The following CADPS2 variants were observed in gnomAD, a reference collection of about 807,000 sequenced individuals.
CADPS2 encodes the protein calcium-dependent secretion activator 2.
Under a neutral mutation model 172.5 loss-of-function variants are expected in CADPS2, and 93 were observed. The ratio of observed to expected loss-of-function variants is 0.54; its 90% CI spans 0.46 to 0.64. CADPS2 has a LOEUF of 0.64. CADPS2 is among the 30% of genes least tolerant of loss of function. CADPS2 has a pLI of 0.00. For synonymous variants in CADPS2, 546 were observed against 555.2 expected, an observed-to-expected ratio of 0.98 and a Z score of 0.23; for missense variants, 1,420 against 1,565.9, an observed-to-expected ratio of 0.91 and a Z score of 1.57.
At chr7:122,391,147 A>G (rs1243176940) in intron 22 of CADPS2, among the ~76,000 whole-genome samples, 2 of 152,074 alleles carry the variant, frequency 1.3e-5, no homozygotes, top group African/African-American at 4.8e-5. Flanking sequence ...AATGGCAATA[A>G]CATCATAACA....
At chr7:122,401,941 T>C (rs2046006583) in intron 20 of CADPS2, among the ~76,000 whole-genome samples, 1 of 152,174 alleles carries the variant, frequency 6.6e-6, no homozygotes, top group African/African-American at 2.4e-5. Context: ...CCAAGGGTTC[T>C]CCACATTTCA....
chr7:122,396,325 T>A (rs2045124671), intron 20 of CADPS2, among the ~76,000 whole-genome samples: 1 of 152,202 alleles, frequency 6.6e-6, no homozygotes, highest in African/African-American at 2.4e-5. Context: ...TACCGTGCTC[T>A]CTTCATCACC....
At chr7:122,597,606 C>T (rs1246427101) in intron 6 of CADPS2, among the ~76,000 whole-genome samples, 1 of 152,056 alleles carries the variant, frequency 6.6e-6, no homozygotes, top group Non-Finnish European at 1.5e-5. Context: ...AAATGAATCT[C>T]TTATCATTTT....
chr7:122,748,990 C>A (rs1256313397), intron 1 of CADPS2, among the ~76,000 whole-genome samples: 3 of 152,086 alleles, frequency 2.0e-5, no homozygotes, highest in Non-Finnish European at 4.4e-5. Context: ...CCTTTTCCAC[C>A]TGTCTACATT....
intron 1 of CADPS2, among the ~76,000 whole-genome samples, chr7:122,790,166 G>C (rs1794976075): frequency 1.3e-5 from 2 of 151,824 alleles, no homozygotes; most frequent in Admixed American, 6.6e-5. Context: ...GTAGGCCAAG[G>C]CAGGAGGATT....
chr7:122,732,972 T>A (rs910902984), intron 2 of CADPS2, among the ~76,000 whole-genome samples: 3 of 149,182 alleles, frequency 2.0e-5, no homozygotes, highest in East Asian at 3.9e-4. Context: ...GCTAAAGGAT[T>A]GTAAACATAA....
intron 3 of CADPS2, among the ~76,000 whole-genome samples, chr7:122,654,011 A>G (rs928168222): frequency 3.9e-5 from 6 of 152,192 alleles, no homozygotes; most frequent in African/African-American, 1.4e-4. Context: ...TCTCATTTTA[A>G]GTCAAAAGCT....
chr7:122,759,107 A>C (rs888521861), intron 1 of CADPS2, among the ~76,000 whole-genome samples: 1 of 152,106 alleles, frequency 6.6e-6, no homozygotes, highest in Non-Finnish European at 1.5e-5. Flanking sequence ...AAGACAAAAA[A>C]TTTTGCCATT....
At chr7:122,598,435 C>A (rs914481133) in intron 6 of CADPS2, among the ~76,000 whole-genome samples, 1 of 152,124 alleles carries the variant, frequency 6.6e-6, no homozygotes, top group African/African-American at 2.4e-5. Context: ...ATTTTTGTTG[C>A]TGCTAAAATA....
At chr7:122,857,125 A>G (rs778484806) in intron 1 of CADPS2, among the ~76,000 whole-genome samples, 10 of 152,198 alleles carry the variant, frequency 6.6e-5, no homozygotes, top group Admixed American at 6.5e-4. Flanking sequence ...TCAGGATACA[A>G]TGCTAAGGGA....
chr7:122,692,956 C>A (rs1311037332), intron 2 of CADPS2, among the ~76,000 whole-genome samples: 4 of 152,188 alleles, frequency 2.6e-5, no homozygotes, highest in Non-Finnish European at 5.9e-5. Context: ...GCAATTATAC[C>A]TTTTACAGAC....
chr7:122,698,674 A>G, intron 2 of CADPS2: 1 of 1,613,866 alleles, frequency 6.2e-7, no homozygotes, highest in Non-Finnish European at 8.5e-7. Flanking sequence ...TGCATTTTGG[A>G]TTTTTCCCTC....
chr7:122,667,698 G>A (rs1052314682), intron 2 of CADPS2, among the ~76,000 whole-genome samples: 8 of 152,022 alleles, frequency 5.3e-5, no homozygotes, highest in African/African-American at 1.9e-4. Context: ...AACTCTGCTG[G>A]GGGGCCAGAG....
chr7:122,550,427 ATTATAG>A (rs1256826321), intron 8 of CADPS2, among the ~76,000 whole-genome samples: 3 of 152,226 alleles, frequency 2.0e-5, no homozygotes, highest in Admixed American at 1.3e-4. Flanking sequence ...AAAGTCTTCT[ATTATAG>A]TTATATAGTT....
At chr7:122,336,331 T>C (rs1268846218) in intron 28 of CADPS2, among the ~76,000 whole-genome samples, 2 of 152,168 alleles carry the variant, frequency 1.3e-5, no homozygotes, top group Admixed American at 6.5e-5. Flanking sequence ...AAAGCCACCA[T>C]ACCATTTGTT....
chr7:122,586,832 C>T (rs966614719), intron 6 of CADPS2, among the ~76,000 whole-genome samples: 1 of 151,862 alleles, frequency 6.6e-6, no homozygotes, highest in African/African-American at 2.4e-5. Flanking sequence ...GACTGTTGCA[C>T]ATATGTAAGA....
intron 9 of CADPS2, among the ~76,000 whole-genome samples, chr7:122,501,966 TATC>T (rs536075290): frequency 6.2e-4 from 94 of 150,764 alleles, no homozygotes; most frequent in Middle Eastern, 3.4e-3. Flanking sequence ...CTTTCCAATA[TATC>T]ATATTATTTT....
At chr7:122,734,794 C>G (rs762777016) in intron 2 of CADPS2, among the ~76,000 whole-genome samples, 1 of 152,054 alleles carries the variant, frequency 6.6e-6, no homozygotes, top group Non-Finnish European at 1.5e-5. Context: ...TCCACAAATG[C>G]ACCCCAGGAA....
At chr7:122,558,837 G>C (rs768249894) in intron 7 of CADPS2, among the ~76,000 whole-genome samples, 2 of 152,102 alleles carry the variant, frequency 1.3e-5, no homozygotes, top group Non-Finnish European at 2.9e-5. Flanking sequence ...CATAAACTCT[G>C]TGATCTGTGA....
Sources: allele counts gnomAD v4.1 joint callset (sites outside exome capture counted in the v4.1 genomes callset), GRCh38; gene constraint gnomAD v4.1.1; transcripts MANE v1.5; gene names NCBI Gene and HGNC (gene_info 2026-07-23, HGNC 2026-07-21).